RPTOR: variants seen among roughly 807,000 people sequenced by gnomAD.
RPTOR encodes the protein regulatory associated protein of MTOR complex 1.
Under a neutral mutation model 169.9 loss-of-function variants are expected in RPTOR, and 21 were observed. The ratio of observed to expected loss-of-function variants is 0.12; its 90% confidence interval spans 0.09 to 0.18. The LOEUF (loss-of-function observed/expected upper bound fraction) is 0.18, where lower values mean the gene tolerates loss of function less well. Ranked by LOEUF, RPTOR falls within the 10% of genes least tolerant of loss-of-function variation. RPTOR has a pLI of 1.00. For synonymous variants in RPTOR, 732 were observed against 753.2 expected, an observed-to-expected ratio of 0.97 and a Z score of 0.46; for missense variants, 1,133 against 1,855.9, an observed-to-expected ratio of 0.61 and a Z score of 7.16.
At chr17:80,634,515 GTGTGCGTACTGTGTGCA>G (rs1248498412) in intron 2 of RPTOR, among the ~76,000 whole-genome samples, 7 of 148,228 alleles carry the variant, frequency 4.7e-5, no homozygotes, top group Non-Finnish European at 8.9e-5. Flanking sequence ...TACTGTGTGT[GTGTGCGTACTGTGTGCA>G]TGTGCGTACT....
chr17:80,551,053 G>A (rs540784006), intron 1 of RPTOR, among the ~76,000 whole-genome samples: 1 of 152,078 alleles, frequency 6.6e-6, no homozygotes, highest in Non-Finnish European at 1.5e-5. Flanking sequence ...ATGCCCGGCT[G>A]ATTTTTTGTA....
At chr17:80,958,389 C>G (rs1362029320) in intron 29 of RPTOR, among the ~76,000 whole-genome samples, 1 of 144,840 alleles carries the variant, frequency 6.9e-6, no homozygotes, top group Admixed American at 6.9e-5. Flanking sequence ...CTACAGAAGA[C>G]AGAAGATTTT....
At chr17:80,555,959 G>A (rs1300220081) in intron 1 of RPTOR, among the ~76,000 whole-genome samples, 2 of 152,110 alleles carry the variant, frequency 1.3e-5, no homozygotes, top group East Asian at 1.9e-4. Context: ...GGGGCTGGGC[G>A]TGGTGGCTCA....
At chr17:80,637,769 T>C (rs747825535) in intron 2 of RPTOR, among the ~76,000 whole-genome samples, 1 of 152,200 alleles carries the variant, frequency 6.6e-6, no homozygotes, top group Non-Finnish European at 1.5e-5. Flanking sequence ...AATTCTGTCA[T>C]CCCAAGGGAA....
rs574615415 is a variant in RPTOR, at chr17:80,774,617, C to T, written c.831-16833C>T. ...TCACCAACGTGAGCTGAAGTTATTA[C>T]ATGTTATCACTTTACTTGATGCCGT... On this transcript the variant is annotated intron_variant, in intron 6 of 33. Transcript: ENST00000306801. Among the ~76,000 whole-genome samples, 3 of 152,334 alleles carry T rather than the reference C, an allele frequency of 2.0e-5. No individual in the cohort carries two copies. In the East Asian group the frequency reaches 5.8e-4, roughly 29 times the overall value.
intron 3 of RPTOR, among the ~76,000 whole-genome samples, chr17:80,685,844 G>T (rs979654605): frequency 1.3e-5 from 2 of 150,904 alleles, no homozygotes; most frequent in African/African-American, 4.9e-5. Context: ...CCCCAGAGTC[G>T]TCCTGGGAGC....
At chr17:80,872,789 G>A (rs755302871) in intron 13 of RPTOR, among the ~76,000 whole-genome samples, 1 of 152,206 alleles carries the variant, frequency 6.6e-6, no homozygotes, top group Non-Finnish European at 1.5e-5. Flanking sequence ...TGGGCACAAC[G>A]GGGCCCTGGC....
intron 15 of RPTOR, 101 bp from the exon 16 acceptor site, chr17:80,883,680 C>T: frequency 7.3e-7 from 1 of 1,369,178 alleles, no homozygotes; most frequent in South Asian, 1.2e-5. Flanking sequence ...CAAATCAAGG[C>T]TTCCCAAGAA....
At chr17:80,643,978 TTGG>T (rs1324904415) in intron 3 of RPTOR, among the ~76,000 whole-genome samples, 168 bp downstream of exon 3, 3 of 152,268 alleles carry the variant, frequency 2.0e-5, no homozygotes, top group Non-Finnish European at 4.4e-5. Context: ...CTGCTGGCTA[TTGG>T]TGGCTGTGTT....
In RPTOR at chr17:80,595,857, C is replaced by T. The variant is rs141591968; in HGVS notation, c.163-29834C>T. On this transcript the variant is annotated intron_variant, in intron 1 of 33. Coordinates refer to ENST00000306801, the MANE Select transcript of RPTOR (RefSeq NM_020761.3). ...CTGGTACTGCCAGGCTATTTTGATTCTTCTTATAGGAGTCTTGACCGTCAA... is the reference window on the plus strand; with the variant it reads ...CTGGTACTGCCAGGCTATTTTGATTTTTCTTATAGGAGTCTTGACCGTCAA... Among the ~76,000 whole-genome samples, 309 of 152,246 alleles carry T rather than the reference C, an allele frequency of 2.0e-3. 2 individuals are homozygous for T. The highest frequency in any genetic ancestry group is 7.2e-3 in the African/African-American group (299 of 41,528).
intron 17 of RPTOR, among the ~76,000 whole-genome samples, chr17:80,889,694 CT>C (rs1016595040): frequency 7.1e-4 from 108 of 152,314 alleles, no homozygotes; most frequent in African/African-American, 2.5e-3. Context: ...CAGAGCCCAG[CT>C]CCATTCAGGA....
At chr17:80,635,551 A>G (rs561567057) in intron 2 of RPTOR, among the ~76,000 whole-genome samples, 7 of 152,270 alleles carry the variant, frequency 4.6e-5, no homozygotes, top group African/African-American at 9.6e-5. Flanking sequence ...GGAACCTCCA[A>G]GCGGAGCCAC....
chr17:80,610,476 G>T (rs780836783), intron 1 of RPTOR, among the ~76,000 whole-genome samples: 13 of 152,156 alleles, frequency 8.5e-5, no homozygotes, highest in Non-Finnish European at 1.9e-4. Flanking sequence ...TGTCTCCATG[G>T]TATGGGCAGG....
chr17:80,930,385 G>GCTCATTTCATT (rs1567993740), intron 24 of RPTOR, among the ~76,000 whole-genome samples: 2 of 1,346 alleles, frequency 1.5e-3, no homozygotes, highest in African/African-American at 6.0e-3. Flanking sequence ...CCCCAGCTCA[G>GCTCATTTCATT]CTCAGCTCAT....
At chr17:80,669,446 G>A (rs1168767163) in intron 3 of RPTOR, among the ~76,000 whole-genome samples, 10 of 152,170 alleles carry the variant, frequency 6.6e-5, no homozygotes, top group Admixed American at 5.2e-4. Flanking sequence ...GTGCAGTGGC[G>A]CGATCTCAGC....
chr17:80,707,711 G>T lies in RPTOR; in HGVS notation c.349-130G>T. 1 of 830,740 alleles carries T rather than the reference G, an allele frequency of 1.2e-6. No individual in the cohort carries two copies. 51.5% of individuals were successfully genotyped at this position (830,740 alleles called of 1,614,324 possible). ...CTGGCATTACCTGGTTTTATAGATG[G>T]AGAAACTCAGAGCCATGTGTCCAGG... On this transcript the variant is annotated intron_variant, in intron 3 of 33. Coordinates refer to ENST00000306801, the MANE Select transcript of RPTOR (RefSeq NM_020761.3). This position sits in a 1 kb window ranked among gnomAD's most constrained non-coding sequence, Gnocchi z 5.0.
intron 2 of RPTOR, among the ~76,000 whole-genome samples, chr17:80,628,145 T>A (rs1285902970): frequency 6.6e-6 from 1 of 152,226 alleles, no homozygotes; most frequent in Non-Finnish European, 1.5e-5. Context: ...GCCAAGTGTA[T>A]GTTTAATTCT....
rs2069427707 is a variant in RPTOR at position 80,966,122 on chromosome 17, C to CCT, written c.*1793_*1794insTC. On this transcript the variant is annotated 3_prime_UTR_variant, in exon 34 of 34. Coordinates refer to ENST00000306801, the MANE Select transcript of RPTOR (RefSeq NM_020761.3). ...GTGGCTCCAGAGGGGTCAAGACCCC[C>CCT]CCCCGCCCCCGCTCCACCCTGGAGC... 1 of 221,594 alleles carries CCT rather than the reference C, an allele frequency of 4.5e-6. No individual in the cohort carries two copies. Among genetic ancestry groups the CCT allele is most frequent in the East Asian group, 6.6e-5 (1 of 15,238 alleles). The allele number at this position is 221,594 out of a possible 1,614,324, so 13.7% of individuals were successfully genotyped here. A position where few individuals can be genotyped will look rare whatever the true frequency, so the allele number is the denominator to read the frequency against.
chr17:80,879,611 A>G (rs866785860), intron 13 of RPTOR, among the ~76,000 whole-genome samples: 11 of 152,062 alleles, frequency 7.2e-5, no homozygotes, highest in African/African-American at 1.4e-4. Flanking sequence ...CAAGCACCCT[A>G]TGGTGCCTCT....
Sources: gnomAD v4.1 joint callset for allele counts (sites outside exome capture counted in the v4.1 genomes callset) on GRCh38, gnomAD v4.1.1 for gene constraint, Gnocchi (gnomAD v3.1) non-coding constraint, MANE v1.5 for transcripts, NCBI Gene and HGNC (gene_info 2026-07-23, HGNC 2026-07-21) for gene names.